Variants in ZNF420 observed in about 807,000 individuals in gnomAD.
ZNF420 encodes the protein zinc finger protein 420, also known as ATM and p53-associated KZNF protein.
Under a neutral mutation model 44.7 loss-of-function variants are expected in ZNF420, and 31 were observed. The ratio of observed to expected loss-of-function variants is 0.69; its 90% CI spans 0.52 to 0.94. ZNF420 has a LOEUF of 0.94. Among genes scored for constraint, ZNF420 ranks in the 40% least tolerant of loss-of-function variants. ZNF420 has a pLI of 0.00. For missense variants in ZNF420, 681 were observed against 827.9 expected, an observed-to-expected ratio of 0.82 and a Z score of 2.18; for synonymous variants, 245 against 267.4, an observed-to-expected ratio of 0.92 and a Z score of 0.82.
chr19:37,068,793 AT>A (rs1968011502), intron 1 of ZNF420, among the ~76,000 whole-genome samples: 1 of 152,226 alleles, frequency 6.6e-6, no homozygotes. Context: ...CATTTGGAAA[AT>A]ACTAATCAAA....
At chr19:37,115,930 C>T (rs139051471) in intron 4 of ZNF420, among the ~76,000 whole-genome samples, 2,952 of 152,186 alleles carry the variant, frequency 0.019, 76 homozygotes, top group East Asian at 0.049. Context: ...TTAACAAGCA[C>T]GCTGCCTTCA....
At chr19:37,015,879 G>A (rs1041693188) in intron 1 of ZNF420, among the ~76,000 whole-genome samples, 1 of 152,182 alleles carries the variant, frequency 6.6e-6, no homozygotes, top group Non-Finnish European at 1.5e-5. Context: ...GATCCTGCGC[G>A]GGCTCTGGCC....
At chr19:37,075,451 G>T (rs914056468), upstream of ZNF420, among the ~76,000 whole-genome samples, 2 of 151,938 alleles carry the variant, frequency 1.3e-5, no homozygotes, top group Admixed American at 1.3e-4. Flanking sequence ...CTTGCTAAAA[G>T]AGAGAGAGAG....
upstream of ZNF420, among the ~76,000 whole-genome samples, chr19:37,075,732 ACT>A (rs1968135233): frequency 1.3e-5 from 2 of 152,212 alleles, no homozygotes; most frequent in Non-Finnish European, 2.9e-5. Flanking sequence ...ACAGAGTGAG[ACT>A]CTGTCTCAAA....
chr19:37,022,623 A>G (rs968994818), intron 1 of ZNF420, among the ~76,000 whole-genome samples: 1 of 152,256 alleles, frequency 6.6e-6, no homozygotes, highest in African/African-American at 2.4e-5. Flanking sequence ...AACAAAAAAT[A>G]GCACCCATAA....
At chr19:37,082,588 T>G (rs1968527122) in intron 2 of ZNF420, among the ~76,000 whole-genome samples, 1 of 152,224 alleles carries the variant, frequency 6.6e-6, no homozygotes, top group Admixed American at 6.5e-5. Flanking sequence ...GTTCTTTATT[T>G]CCTGTTCTCC....
chr19:37,102,002 G>A (rs1259137892), intron 4 of ZNF420, among the ~76,000 whole-genome samples: 4 of 152,180 alleles, frequency 2.6e-5, no homozygotes, highest in African/African-American at 9.7e-5. Context: ...TGCAACAGGA[G>A]GGGCTAGAGC....
chr19:37,025,021 G>T, intron 1 of ZNF420: 1 of 220,760 alleles, frequency 4.5e-6, no homozygotes, highest in Non-Finnish European at 1.0e-5. Context: ...CCTGAGTTGA[G>T]CCTAAAGGAC....
At chr19:37,026,744 G>A (rs1198595607) in intron 1 of ZNF420, among the ~76,000 whole-genome samples, 1 of 152,234 alleles carries the variant, frequency 6.6e-6, no homozygotes, top group African/African-American at 2.4e-5. Flanking sequence ...TTACAGGCGT[G>A]AGCCACCACG....
At chr19:37,124,976 A>G (rs1339589219) in intron 4 of ZNF420, among the ~76,000 whole-genome samples, 1 of 152,138 alleles carries the variant, frequency 6.6e-6, no homozygotes, top group African/African-American at 2.4e-5. Flanking sequence ...AGCTGGGATT[A>G]CAGGCACCCG....
chr19:37,012,760 A>ATGTGTGTGTGTGTGTGTGTG (rs780627236), intron 1 of ZNF420, among the ~76,000 whole-genome samples: 6 of 101,938 alleles, frequency 5.9e-5, no homozygotes, highest in Non-Finnish European at 6.1e-5. Context: ...CCACTGCTAT[A>ATGTGTGTGTGTGTGTGTGTG]TGTCTCTGTG....
intron 4 of ZNF420, among the ~76,000 whole-genome samples, chr19:37,118,864 A>C (rs1970851967): frequency 6.6e-6 from 1 of 152,066 alleles, no homozygotes; most frequent in African/African-American, 2.4e-5. Context: ...AGATCAAAAG[A>C]GACAAAGAAG....
intron 1 of ZNF420, among the ~76,000 whole-genome samples, chr19:37,063,801 CATTT>C (rs1467405429): frequency 6.6e-6 from 1 of 152,108 alleles, no homozygotes; most frequent in Non-Finnish European, 1.5e-5. Flanking sequence ...AAGAAATTAA[CATTT>C]ATTTGTTATG....
intron 4 of ZNF420, among the ~76,000 whole-genome samples, chr19:37,110,519 A>G (rs1015217897): frequency 6.6e-5 from 10 of 152,228 alleles, no homozygotes; most frequent in Non-Finnish European, 1.3e-4. Flanking sequence ...CTCGAATATG[A>G]GTAATATAAA....
At chr19:37,055,352 C>G (rs1339840176) in intron 1 of ZNF420, among the ~76,000 whole-genome samples, 1 of 152,184 alleles carries the variant, frequency 6.6e-6, no homozygotes, top group East Asian at 1.9e-4. Flanking sequence ...CACCAATGCA[C>G]TGCAGCCTGA....
chr19:37,017,718 C>T (rs866600386), intron 1 of ZNF420, among the ~76,000 whole-genome samples: 4 of 152,072 alleles, frequency 2.6e-5, no homozygotes, highest in South Asian at 2.1e-4. Flanking sequence ...ACAGCACACT[C>T]GGTGAAAGAC....
intron 1 of ZNF420, among the ~76,000 whole-genome samples, chr19:37,059,835 C>T (rs1305021122): frequency 6.6e-6 from 1 of 151,400 alleles, no homozygotes; most frequent in Non-Finnish European, 1.5e-5. Context: ...TGTGTGTGTG[C>T]GTATGTGTAT....
At position 37,049,997 on chromosome 19, in the gene ZNF420, G is replaced by C. The variant is rs1200613623; in HGVS notation, c.-124-30348G>C. 5.3e-5 allele frequency among the ~76,000 whole-genome samples: 8 copies of C among 152,086 alleles called. No homozygotes were observed. In the East Asian group the frequency reaches 1.2e-3, roughly 22 times the overall value. On this transcript the variant is annotated intron_variant, in intron 1 of 4. Transcript: ENST00000587029. The stretch of plus-strand genomic sequence containing the variant: ...AATCCTTTCCCCATTTCTTGTTTTT[G>C]TCAGGTTTGTCAAAGATCAGATGGT...
chr19:37,061,512 G>C (rs1967879830), intron 1 of ZNF420, among the ~76,000 whole-genome samples: 1 of 152,170 alleles, frequency 6.6e-6, no homozygotes, highest in Non-Finnish European at 1.5e-5. Flanking sequence ...TATCAAGCAG[G>C]TTTTGGGGAC....
Sources: gnomAD v4.1 joint callset for allele counts (sites outside exome capture counted in the v4.1 genomes callset) on GRCh38, gnomAD v4.1.1 for gene constraint, MANE v1.5 for transcripts, NCBI Gene and HGNC (gene_info 2026-07-23, HGNC 2026-07-21) for gene names.